ADAM7: variants seen among roughly 807,000 people sequenced by gnomAD.
ADAM7 encodes disintegrin and metalloproteinase domain-containing protein 7.
Under a neutral mutation model 102.9 loss-of-function variants are expected in ADAM7, and 97 were observed. The ratio of observed to expected loss-of-function variants is 0.94; its 90% CI spans 0.80 to 1.12. ADAM7 has a LOEUF of 1.12. Ranked by LOEUF, ADAM7 falls within the 50% of genes most tolerant of loss-of-function variation. The pLI is 0.00. For synonymous variants in ADAM7, 334 were observed against 304.4 expected (o/e 1.10, Z -1.01); for missense variants, 991 against 908.7 (o/e 1.09, Z -1.16).
At position 24,463,978 on chromosome 8, in the gene ADAM7, A is replaced by T; in HGVS notation, c.312+18A>T. 1.9e-6 allele frequency: 3 copies of T among 1,594,102 alleles called. No individual in the cohort carries two copies. The highest frequency in any genetic ancestry group is 2.6e-6 in the Non-Finnish European group (3 of 1,162,426). On this transcript the variant is annotated intron_variant, in intron 4 of 21. Transcript: ENST00000175238. ...AGATCATGGTATCTTATGGAACTTT[A>T]CTGTGTCTCTTCTCTAAAAGCAGTA... is the stretch of plus-strand genomic sequence containing the variant.
At chr8:24,481,921 G>T (rs1819965137) in intron 8 of ADAM7, among the ~76,000 whole-genome samples, 1 of 152,132 alleles carries the variant, frequency 6.6e-6, no homozygotes, top group Admixed American at 6.5e-5. Flanking sequence ...AGATCTTTCT[G>T]ATCAAATTTC....
At chr8:24,466,473 G>C (rs188820141) in intron 5 of ADAM7, among the ~76,000 whole-genome samples, 1 of 152,204 alleles carries the variant, frequency 6.6e-6, no homozygotes, top group East Asian at 1.9e-4. Context: ...TGTCATGATA[G>C]ACATAGAAAC....
intron 20 of ADAM7, among the ~76,000 whole-genome samples, chr8:24,506,584 A>G (rs769941220): frequency 7.2e-5 from 11 of 152,078 alleles, no homozygotes; most frequent in Non-Finnish European, 1.3e-4. Context: ...CCCCTGTTCT[A>G]AAAGGTAAAA....
intron 13 of ADAM7, among the ~76,000 whole-genome samples, chr8:24,491,692 C>G (rs1003889684): frequency 1.3e-5 from 2 of 152,100 alleles, no homozygotes; most frequent in Admixed American, 1.3e-4. Flanking sequence ...TGCTGTAATA[C>G]CAAACTTCAA....
At chr8:24,447,782 A>G (rs1818618193) in intron 3 of ADAM7, among the ~76,000 whole-genome samples, 1 of 152,034 alleles carries the variant, frequency 6.6e-6, no homozygotes, top group Admixed American at 6.6e-5. Flanking sequence ...TTTAAGTTTC[A>G]TTGTTTTTCC....
At chr8:24,466,419 A>G (rs546362333) in intron 5 of ADAM7, among the ~76,000 whole-genome samples, 1 of 152,304 alleles carries the variant, frequency 6.6e-6, no homozygotes, top group Admixed American at 6.5e-5. Context: ...GTTACCACAT[A>G]TTAGTATTTT....
chr8:24,442,238 G>A (rs1038569506), intron 1 of ADAM7, among the ~76,000 whole-genome samples: 1 of 152,016 alleles, frequency 6.6e-6, no homozygotes, highest in Non-Finnish European at 1.5e-5. Flanking sequence ...AAATATGGAG[G>A]AAATGGAGGG....
intron 3 of ADAM7, among the ~76,000 whole-genome samples, chr8:24,457,054 T>C (rs980333017): frequency 6.6e-6 from 1 of 152,164 alleles, no homozygotes; most frequent in Non-Finnish European, 1.5e-5. Flanking sequence ...GTTTGTCAAA[T>C]TTTAGTAACT....
chr8:24,500,111 A>C, intron 17 of ADAM7, 67 bp from the exon 18 acceptor site: 1 of 1,421,752 alleles, frequency 7.0e-7, no homozygotes, highest in Non-Finnish European at 9.7e-7. Context: ...GTAGCACTAA[A>C]GTAAGTGAGT....
At position 24,466,853 on chromosome 8, in the gene ADAM7, A is replaced by T. The variant is rs781475833; in HGVS notation, c.444A>T (p.Ser148=). ...ACCTCATTGAACCAGTGAAATACTC[A>T]GATGAGGGAGAACATTTGGTGTTCA... ...QRYLIEPVKY[S]DEGEHLVFKY... Residue 148 remains serine, a synonymous_variant, in exon 6 of 22, where the codon TCA becomes TCT. Transcript: ENST00000175238. 1 of 1,614,054 alleles carries T rather than the reference A, an allele frequency of 6.2e-7. No homozygotes were observed. The highest frequency in any genetic ancestry group is 1.1e-5 in the South Asian group (1 of 91,072).
intron 7 of ADAM7, among the ~76,000 whole-genome samples, chr8:24,472,180 A>G (rs910000476): frequency 2.4e-4 from 36 of 151,526 alleles, no homozygotes; most frequent in African/African-American, 8.5e-4. Flanking sequence ...GCTCCTCTCC[A>G]TCAGAAAATG....
intron 16 of ADAM7, among the ~76,000 whole-genome samples, chr8:24,496,273 T>C (rs1017988492): frequency 3.9e-5 from 6 of 152,156 alleles, no homozygotes; most frequent in Non-Finnish European, 7.4e-5. Flanking sequence ...AGAAGATGTA[T>C]GGAAATGCCT....
intron 20 of ADAM7, among the ~76,000 whole-genome samples, chr8:24,504,259 C>T (rs137906392): frequency 2.7e-4 from 41 of 151,834 alleles, no homozygotes; most frequent in African/African-American, 4.1e-4. Flanking sequence ...CCTAGCTACA[C>T]GGGAGACTGA....
At chr8:24,445,173 C>T (rs1426664185) in intron 2 of ADAM7, among the ~76,000 whole-genome samples, 1 of 152,084 alleles carries the variant, frequency 6.6e-6, no homozygotes, top group African/African-American at 2.4e-5. Flanking sequence ...CACATACATG[C>T]AGACACACAC....
chr8:24,483,199 T>G (rs759018218), intron 9 of ADAM7, among the ~76,000 whole-genome samples: 8 of 152,210 alleles, frequency 5.3e-5, no homozygotes, highest in Non-Finnish European at 1.2e-4. Flanking sequence ...ATTTTTATCA[T>G]TTTTGTTATT....
intron 16 of ADAM7, among the ~76,000 whole-genome samples, chr8:24,495,134 T>C (rs555239720): frequency 6.6e-6 from 1 of 152,264 alleles, no homozygotes; most frequent in South Asian, 2.1e-4. Context: ...GTGATTCTCT[T>C]CCATAACAGG....
chr8:24,482,905 T>C (rs537099874), intron 9 of ADAM7, among the ~76,000 whole-genome samples: 4 of 152,330 alleles, frequency 2.6e-5, no homozygotes, highest in Middle Eastern at 3.4e-3. Context: ...CCATGTTACA[T>C]TTTTTATCAG....
intron 10 of ADAM7, 74 bp from the exon 11 acceptor site, chr8:24,487,109 TCAAC>T: frequency 6.9e-7 from 1 of 1,449,000 alleles, no homozygotes. Flanking sequence ...GCCAGGTCTT[TCAAC>T]CACTAGTTTG....
At position 24,508,891 on chromosome 8, in the gene ADAM7, TACAGTC is replaced by T; in HGVS notation, c.*346_*351del. On this transcript the variant is annotated 3_prime_UTR_variant, in exon 22 of 22. Coordinates refer to ENST00000175238, the MANE Select transcript of ADAM7 (RefSeq NM_003817.4). Reference sequence around the variant, plus strand: ...AATCCAAACTTTAAGGATGATAACTTACAGTCTAAGAAGAAAACATTGCATATAAAA... The same window carrying T: ...AATCCAAACTTTAAGGATGATAACTTTAAGAAGAAAACATTGCATATAAAA... 1 of 1,131,588 alleles carries T rather than the reference TACAGTC, an allele frequency of 8.8e-7. No individual in the cohort carries two copies. Among genetic ancestry groups the T allele is most frequent in the Non-Finnish European group, 1.1e-6 (1 of 924,838 alleles). The allele number at this position is 1,131,588 out of a possible 1,614,324, so 70.1% of individuals were successfully genotyped here.
Sources: allele counts gnomAD v4.1 joint callset (sites outside exome capture counted in the v4.1 genomes callset), GRCh38; gene constraint gnomAD v4.1.1; transcripts MANE v1.5; gene names NCBI Gene and HGNC (gene_info 2026-07-23, HGNC 2026-07-21).